ALG12: variants seen among roughly 807,000 people sequenced by gnomAD.
The protein encoded by ALG12 is dol-P-Man:Man(7)GlcNAc(2)-PP-Dol alpha-1,6-mannosyltransferase.
In ALG12, 36 loss-of-function variants were observed where a neutral mutation model predicts 46.0. The observed-to-expected ratio is 0.78, with a 90% confidence interval of 0.60 to 1.03. The LOEUF is 1.03. Ranked by LOEUF, ALG12 falls within the 50% of genes least tolerant of loss-of-function variation. ALG12 has a pLI of 0.00. For synonymous variants in ALG12, 326 were observed against 291.6 expected (o/e 1.12, Z -1.20); for missense variants, 599 against 633.5 (o/e 0.95, Z 0.58).
the ALG12 span, among the ~76,000 whole-genome samples, chr22:49,890,959 G>A: frequency 6.6e-6 from 1 of 152,040 alleles, no homozygotes; most frequent in African/African-American, 2.4e-5. Context: ...GAACCTGGGA[G>A]GCAGAGCTTG....
chr22:49,862,922 G>A, the ALG12 span, among the ~76,000 whole-genome samples: 2 of 151,812 alleles, frequency 1.3e-5, no homozygotes, highest in Non-Finnish European at 1.5e-5. Flanking sequence ...GGCTGGTCTC[G>A]AACTCCTGAC....
chr22:49,882,561 C>T, the ALG12 span, among the ~76,000 whole-genome samples: 497 of 152,338 alleles, frequency 3.3e-3, 2 homozygotes, highest in African/African-American at 0.011. Context: ...ATGACTCCAT[C>T]GTCCTCCGAG....
downstream of ALG12, among the ~76,000 whole-genome samples, chr22:49,900,001 A>G (rs949055210): frequency 6.6e-6 from 1 of 152,080 alleles, no homozygotes; most frequent in African/African-American, 2.4e-5. Context: ...TCTTCAAGAA[A>G]AATTTTTTAA....
At chr22:49,885,762 C>T in the ALG12 span, 1 of 1,605,596 alleles carries the variant, frequency 6.2e-7, no homozygotes, top group African/African-American at 1.3e-5. Context: ...CTTCCTACTT[C>T]TCCAGGACAG....
the ALG12 span, among the ~76,000 whole-genome samples, chr22:49,873,791 G>A: frequency 3.3e-5 from 5 of 152,226 alleles, no homozygotes; most frequent in African/African-American, 1.2e-4. Context: ...TGAGATGTCT[G>A]TTTTGAAGAG....
intron 1 of ALG12, among the ~76,000 whole-genome samples, chr22:49,914,354 A>C (rs2146616108): frequency 6.6e-6 from 1 of 152,376 alleles, no homozygotes; most frequent in East Asian, 1.9e-4. Flanking sequence ...TCGAGTGGCC[A>C]GCAAAGCCCC....
the ALG12 span, among the ~76,000 whole-genome samples, chr22:49,859,457 G>A: frequency 3.3e-5 from 5 of 151,986 alleles, no homozygotes; most frequent in Non-Finnish European, 5.9e-5. Context: ...CACTCCATAC[G>A]TGGTCCTGGG....
the ALG12 span, chr22:49,888,042 A>C: frequency 6.0e-6 from 1 of 167,220 alleles, no homozygotes. Context: ...TGTTTGATCA[A>C]ATTTGTGTAA....
chr22:49,908,832 G>C (rs1347387282), intron 6 of ALG12, among the ~76,000 whole-genome samples: 1 of 149,628 alleles, frequency 6.7e-6, no homozygotes, highest in African/African-American at 2.5e-5. Context: ...TGCGCCTATA[G>C]TCCCAGCTAC....
chr22:49,873,321 C>T, the ALG12 span, among the ~76,000 whole-genome samples: 3 of 152,126 alleles, frequency 2.0e-5, no homozygotes, highest in South Asian at 2.1e-4. Context: ...TCTAATTTCT[C>T]GTGTGTCTCA....
rs2060516834 is a variant in ALG12, at chr22:49,902,460, G to A, written c.*1378C>T. 6.9e-6 allele frequency: 1 copy of A among 144,398 alleles called. No homozygotes were observed. Among genetic ancestry groups the A allele is most frequent in the Non-Finnish European group, 1.5e-5 (1 of 66,586 alleles). 8.9% of individuals were successfully genotyped at this position (144,398 alleles called of 1,614,324 possible). On this transcript the variant is annotated 3_prime_UTR_variant, in exon 10 of 10. Transcript: ENST00000330817. ...TGCACGTGTGCACTGTGTATGCATGGTGTGTGCACGTGTGCACTGTGTGGT... is the reference window on the plus strand; with the variant it reads ...TGCACGTGTGCACTGTGTATGCATGATGTGTGCACGTGTGCACTGTGTGGT...
At chr22:49,860,779 CTTTT>C in the ALG12 span, among the ~76,000 whole-genome samples, 2 of 137,564 alleles carry the variant, frequency 1.5e-5, no homozygotes, top group Non-Finnish European at 3.2e-5. Context: ...TCTAAGCAAC[CTTTT>C]TTTTTTTTTT....
the ALG12 span, among the ~76,000 whole-genome samples, chr22:49,862,137 C>T: frequency 3.3e-5 from 5 of 152,198 alleles, no homozygotes; most frequent in Admixed American, 2.0e-4. Flanking sequence ...GGATGTAGCA[C>T]GGAGCAGTTG....
In ALG12 at chr22:49,909,877, C is replaced by T. The variant is rs1489131306; in HGVS notation, c.664+17G>A. 3 of 1,614,046 alleles carry T rather than the reference C, an allele frequency of 1.9e-6. No individual in the cohort carries two copies. The highest frequency in any genetic ancestry group is 2.2e-5 in the East Asian group (1 of 44,894). Reference sequence around the variant, plus strand: ...AAACAAAATCCAGTTAGAAGCATCCCACAGTGACTGACTTACCTAAACAGA... The same window carrying T: ...AAACAAAATCCAGTTAGAAGCATCCTACAGTGACTGACTTACCTAAACAGA... On this transcript the variant is annotated intron_variant, in intron 5 of 9. Transcript: ENST00000330817.
chr22:49,887,922 G>A, the ALG12 span: 1 of 167,244 alleles, frequency 6.0e-6, no homozygotes, highest in Non-Finnish European at 1.5e-5. Flanking sequence ...CTTCGCCAGT[G>A]CGTTCAATGA....
At chr22:49,914,173 GGA>G (rs1213698564) in intron 1 of ALG12, among the ~76,000 whole-genome samples, 1 of 152,216 alleles carries the variant, frequency 6.6e-6, no homozygotes, top group African/African-American at 2.4e-5. Flanking sequence ...AAATCTGGCA[GGA>G]GAGTCAGCAA....
At chr22:49,894,014 A>T in the ALG12 span, among the ~76,000 whole-genome samples, 41 of 152,146 alleles carry the variant, frequency 2.7e-4, no homozygotes, top group South Asian at 1.9e-3. Flanking sequence ...AAAAACAAAA[A>T]ATTAACTGGG....
In ALG12 at chr22:49,904,077, A is replaced by G. The variant is rs947164777; in HGVS notation, c.1239-11T>C. 3.1e-6 allele frequency: 5 copies of G among 1,614,094 alleles called. No individual in the cohort carries two copies. Among genetic ancestry groups the G allele is most frequent in the Non-Finnish European group, 2.5e-6 (3 of 1,179,976 alleles). ...TCCCTCTTGTCGTACCTGTGGGATG[A>G]GAGCTGGTGGTCCTGCCCAGGGCCC... On this transcript the variant is annotated splice_polypyrimidine_tract_variant and intron_variant, in intron 9 of 9. Transcript: ENST00000330817.
At position 49,918,275 on chromosome 22, in the gene ALG12, CG is replaced by C. The variant is rs1424096088; in HGVS notation, c.-92del. 2 of 152,426 alleles carry C rather than the reference CG, an allele frequency of 1.3e-5. No homozygotes were observed. Among genetic ancestry groups the C allele is most frequent in the African/African-American group, 4.8e-5 (2 of 41,480 alleles). The allele number at this position is 152,426 out of a possible 1,614,324, so 9.4% of individuals were successfully genotyped here. ...AGCGCGCACTGACCTCCGCAGCTCCCGGCGGCGTCCTTCGAAGCGCGGCTGC... is the reference window on the plus strand; with the variant it reads ...AGCGCGCACTGACCTCCGCAGCTCCCGCGGCGTCCTTCGAAGCGCGGCTGC... On this transcript the variant is annotated 5_prime_UTR_variant, in exon 1 of 10. Coordinates refer to ENST00000330817, the MANE Select transcript of ALG12 (RefSeq NM_024105.4).
Sources: gnomAD v4.1 joint callset for allele counts (sites outside exome capture counted in the v4.1 genomes callset) on GRCh38, gnomAD v4.1.1 for gene constraint, MANE v1.5 for transcripts, NCBI Gene and HGNC (gene_info 2026-07-23, HGNC 2026-07-21) for gene names.